The following TUBA1C variants were observed in gnomAD, a reference collection of about 807,000 sequenced individuals.
The protein encoded by TUBA1C is tubulin alpha 1c.
In TUBA1C, 16 loss-of-function variants were observed where a neutral mutation model predicts 34.9. The observed-to-expected ratio is 0.46, with a 90% confidence interval of 0.31 to 0.70. TUBA1C has a LOEUF of 0.70. Among genes scored for constraint, TUBA1C ranks in the 30% least tolerant of loss-of-function variants. TUBA1C has a pLI of 0.05. For synonymous variants in TUBA1C, 177 were observed against 215.9 expected, an observed-to-expected ratio of 0.82 and a Z score of 1.58; for missense variants, 329 against 587.3, an observed-to-expected ratio of 0.56 and a Z score of 4.55.
intron 1 of TUBA1C, among the ~76,000 whole-genome samples, chr12:49,229,972 G>C (rs1942479505): frequency 6.6e-6 from 1 of 151,964 alleles, no homozygotes; most frequent in African/African-American, 2.4e-5. Context: ...ATTTTTAATA[G>C]AGACAAGGTT....
At chr12:49,240,760 TTTA>T (rs1277957967) in intron 1 of TUBA1C, among the ~76,000 whole-genome samples, 1 of 151,924 alleles carries the variant, frequency 6.6e-6, no homozygotes, top group Non-Finnish European at 1.5e-5. Flanking sequence ...ACTAATTTTT[TTTA>T]TTATTATTTT....
At chr12:49,241,991 C>CTTT (rs201854507) in intron 1 of TUBA1C, among the ~76,000 whole-genome samples, 1 of 131,822 alleles carries the variant, frequency 7.6e-6, no homozygotes, top group Non-Finnish European at 1.6e-5. Context: ...TTCTTTCTTT[C>CTTT]TTTTTTTTTT....
intron 2 of TUBA1C, 24 bp downstream of exon 2, chr12:49,269,711 G>A: frequency 6.2e-7 from 1 of 1,613,234 alleles, no homozygotes; most frequent in South Asian, 1.1e-5. Flanking sequence ...AGTAACCCAA[G>A]TGAGATCCCA....
chr12:49,272,149 A>G (rs534924449), intron 3 of TUBA1C, 104 bp from the exon 4 acceptor site: 76 of 1,515,466 alleles, frequency 5.0e-5, no homozygotes, highest in Admixed American at 2.1e-4. Context: ...TAAAATTGCA[A>G]TTGGAGTAGC....
intron 1 of TUBA1C, among the ~76,000 whole-genome samples, chr12:49,230,707 T>C (rs1942487525): frequency 6.6e-6 from 1 of 152,216 alleles, no homozygotes; most frequent in Non-Finnish European, 1.5e-5. Flanking sequence ...TCTGAAGGAC[T>C]ATCCCTCTCA....
intron 1 of TUBA1C, among the ~76,000 whole-genome samples, chr12:49,242,715 T>C (rs939841102): frequency 2.6e-5 from 4 of 152,014 alleles, no homozygotes; most frequent in African/African-American, 7.2e-5. Flanking sequence ...CTCAAACTCC[T>C]AGTCTCAAGC....
chr12:49,233,381 TAC>T (rs1942516998), intron 1 of TUBA1C: 1 of 152,246 alleles, frequency 6.6e-6, no homozygotes, highest in Admixed American at 6.5e-5. Flanking sequence ...TTCACTAAGT[TAC>T]TGTATATCCA....
chr12:49,232,112 C>T (rs1394245118), intron 1 of TUBA1C, among the ~76,000 whole-genome samples: 1 of 152,108 alleles, frequency 6.6e-6, no homozygotes, highest in Non-Finnish European at 1.5e-5. Flanking sequence ...TTCACAGTAA[C>T]CTGCAGATAG....
rs548476610 is a variant in TUBA1C at position 49,247,245 on chromosome 12, C to T, written c.213+19079C>T. ...GGGGAGACAGAGCTCATAGATTTAG[C>T]CCAGGCAAGTCACTAAACAAAGACA... On this transcript the variant is annotated intron_variant, in intron 1 of 3. Transcript: ENST00000541364. Among the ~76,000 whole-genome samples the T allele has an allele frequency of 1.1e-4, 17 of 152,026 alleles. No individual in the cohort carries two copies. In the South Asian group the frequency reaches 2.9e-3, roughly 26 times the overall value.
intron 1 of TUBA1C, among the ~76,000 whole-genome samples, chr12:49,237,990 T>C (rs1162185825): frequency 6.6e-6 from 1 of 151,380 alleles, no homozygotes; most frequent in Non-Finnish European, 1.5e-5. Flanking sequence ...GCGCCTGTAA[T>C]CCCAGCTACT....
At chr12:49,261,435 T>C (rs1039868641), upstream of TUBA1C, among the ~76,000 whole-genome samples, 1 of 152,176 alleles carries the variant, frequency 6.6e-6, no homozygotes, top group Non-Finnish European at 1.5e-5. Context: ...GAACCTAGAA[T>C]AAAAGAGACA....
rs531705762 is a variant in TUBA1C at position 49,230,101 on chromosome 12, T to C, written c.213+1935T>C. On this transcript the variant is annotated intron_variant, in intron 1 of 3. Transcript: ENST00000541364. ...ATCCTGGCCTTTTTTTTTTTTTTCT[T>C]TTTTAGAACAGTCTATGCCTTGTGG... Among the ~76,000 whole-genome samples the C allele has an allele frequency of 6.6e-5, 10 of 152,234 alleles. No individual in the cohort carries two copies. The East Asian group carries it at 1.7e-3, about 26-fold the overall frequency.
chr12:49,248,133 G>C (rs1942692599), intron 1 of TUBA1C, among the ~76,000 whole-genome samples: 1 of 151,684 alleles, frequency 6.6e-6, no homozygotes, highest in African/African-American at 2.4e-5. Flanking sequence ...AAATTAGCCA[G>C]GCGTGGTGGC....
intron 1 of TUBA1C, among the ~76,000 whole-genome samples, chr12:49,243,568 A>G (rs1942639547): frequency 6.6e-6 from 1 of 152,180 alleles, no homozygotes; most frequent in Non-Finnish European, 1.5e-5. Flanking sequence ...AGCATAGTTC[A>G]GGATGGCTAA....
At chr12:49,245,473 G>A (rs1942657549) in intron 1 of TUBA1C, among the ~76,000 whole-genome samples, 1 of 152,144 alleles carries the variant, frequency 6.6e-6, no homozygotes, top group South Asian at 2.1e-4. Flanking sequence ...CCAGGTAGTG[G>A]TGGCACATGC....
At chr12:49,258,000 A>G in intron 1 of TUBA1C, 1 of 161,460 alleles carries the variant, frequency 6.2e-6, no homozygotes, top group Non-Finnish European at 1.4e-5. Context: ...CTGAGATTAC[A>G]GGTATGTGCC....
chr12:49,241,487 G>A (rs1942614216), intron 1 of TUBA1C, among the ~76,000 whole-genome samples: 1 of 152,192 alleles, frequency 6.6e-6, no homozygotes. Flanking sequence ...GGACTGACAG[G>A]AGGTAAGATG....
At chr12:49,254,498 A>C (rs1289376393) in intron 1 of TUBA1C, among the ~76,000 whole-genome samples, 3 of 151,512 alleles carry the variant, frequency 2.0e-5, no homozygotes, top group African/African-American at 4.9e-5. Context: ...AAAAAAAAAA[A>C]AAAAAAAAAA....
intron 1 of TUBA1C, among the ~76,000 whole-genome samples, chr12:49,230,597 A>G (rs1453673826): frequency 1.3e-5 from 2 of 152,250 alleles, no homozygotes; most frequent in Non-Finnish European, 2.9e-5. Context: ...GCCCAGGCAT[A>G]CTGCGACATG....
Sources: allele counts gnomAD v4.1 joint callset (sites outside exome capture counted in the v4.1 genomes callset), GRCh38; gene constraint gnomAD v4.1.1; transcripts MANE v1.5; gene names NCBI Gene and HGNC (gene_info 2026-07-23, HGNC 2026-07-21).